GPATCH8: variants seen among roughly 807,000 people sequenced by gnomAD.
GPATCH8 encodes G-patch domain containing 8, also known as G patch domain-containing protein 8.
GPATCH8 carries 18 observed loss-of-function variants against 118.3 expected under a neutral mutation model. The ratio of observed to expected loss-of-function variants is 0.15; its 90% confidence interval spans 0.11 to 0.23. GPATCH8 has a LOEUF of 0.23. Among genes scored for constraint, GPATCH8 ranks in the 10% least tolerant of loss-of-function variants. The pLI, the probability that GPATCH8 is intolerant of heterozygous loss-of-function variation, is 1.00. For synonymous variants in GPATCH8, 659 were observed against 684.7 expected, an observed-to-expected ratio of 0.96 and a Z score of 0.59; for missense variants, 1,631 against 1,873.8, an observed-to-expected ratio of 0.87 and a Z score of 2.39.
chr17:44,397,196 G>T lies in GPATCH8; in HGVS notation c.*372C>A, dbSNP rs561561599. The T allele has an allele frequency of 2.1e-6, 1 of 466,206 alleles. No individual in the cohort carries two copies. The highest frequency in any genetic ancestry group is 4.3e-6 in the Non-Finnish European group (1 of 235,270). 28.9% of individuals were successfully genotyped at this position (466,206 alleles called of 1,614,324 possible). ...CTGGTGACAACCCACTGGCCAGAGG[G>T]GAGGAAAATGTTTTAAAATTTACAG... is the stretch of plus-strand genomic sequence containing the variant. On this transcript the variant is annotated 3_prime_UTR_variant, in exon 8 of 8. Coordinates refer to ENST00000591680, the MANE Select transcript of GPATCH8 (RefSeq NM_001002909.4).
At chr17:44,436,351 C>T in intron 4 of GPATCH8, 127 bp downstream of exon 4, 1 of 693,214 alleles carries the variant, frequency 1.4e-6, no homozygotes, top group Non-Finnish European at 2.6e-6. Flanking sequence ...ATTTTTTAGT[C>T]ATCCAAAGAA....
chr17:44,425,440 A>G (rs1165447282), intron 5 of GPATCH8, among the ~76,000 whole-genome samples: 2 of 152,240 alleles, frequency 1.3e-5, no homozygotes, highest in Non-Finnish European at 2.9e-5. Context: ...GGACAGACTT[A>G]TTAAAACTGA....
chr17:44,398,251 G>A lies in GPATCH8; in HGVS notation c.3826C>T (p.Leu1276Phe). Residue 1276 changes from leucine to phenylalanine, a missense_variant, in exon 8 of 8, where the codon CTT becomes TTT. This residue lies in a region of GPATCH8 where 922 missense variants were observed against 879.7 expected (regional missense o/e 1.05). Transcript: ENST00000591680. The stretch of plus-strand genomic sequence containing the variant: ...GGTGCATAACTGGGGAAATGCTCAA[G>A]GTCTGGTGCTATAGGCAGCAAGCTG... ...ESSLLPIAPD[L>F]EHFPSYAPPS... 1.2e-6 allele frequency: 2 copies of A among 1,613,100 alleles called. No homozygotes were observed. Among genetic ancestry groups the A allele is most frequent in the Non-Finnish European group, 1.7e-6 (2 of 1,179,338 alleles).
chr17:44,421,954 C>A (rs2049921099), intron 6 of GPATCH8, among the ~76,000 whole-genome samples: 1 of 150,840 alleles, frequency 6.6e-6, no homozygotes, highest in Non-Finnish European at 1.5e-5. Flanking sequence ...CTCGAATTGG[C>A]TTCATGTGAC....
intron 3 of GPATCH8, among the ~76,000 whole-genome samples, chr17:44,455,882 G>A (rs1469603302): frequency 6.6e-6 from 1 of 152,008 alleles, no homozygotes; most frequent in African/African-American, 2.4e-5. Context: ...CGAGTAGCTG[G>A]GATTACAGGC....
rs1052705429 is a variant in GPATCH8 at position 44,396,929 on chromosome 17, G to A, written c.*639C>T. 2.6e-5 allele frequency: 12 copies of A among 454,002 alleles called. No individual in the cohort carries two copies. The highest frequency in any genetic ancestry group is 2.4e-4 in the African/African-American group (12 of 49,980). 28.1% of individuals were successfully genotyped at this position (454,002 alleles called of 1,614,324 possible). A position where few individuals can be genotyped will look rare whatever the true frequency, so the allele number is the denominator to read the frequency against. On this transcript the variant is annotated 3_prime_UTR_variant, in exon 8 of 8. Coordinates refer to ENST00000591680, the MANE Select transcript of GPATCH8 (RefSeq NM_001002909.4). ...GATATGGAGATGCCTCTTCTGGGAT[G>A]AGGGATACCAAGATAACAGTGCCAA...
In GPATCH8 at chr17:44,395,627, G is replaced by C; in HGVS notation, c.*1941C>G. On this transcript the variant is annotated 3_prime_UTR_variant, in exon 8 of 8. Transcript: ENST00000591680. ...TAGTTATCCAAGAAGTGATGCTTCT[G>C]AATCAGATGAGTACTGAACAGGTAG... The C allele has an allele frequency of 2.2e-6, 1 of 454,222 alleles. No individual in the cohort carries two copies. The highest frequency in any genetic ancestry group is 1.6e-5 in the South Asian group (1 of 64,476). 28.1% of individuals were successfully genotyped at this position (454,222 alleles called of 1,614,324 possible).
chr17:44,476,210 C>CT (rs202142732), intron 1 of GPATCH8, among the ~76,000 whole-genome samples: 228 of 146,162 alleles, frequency 1.6e-3, no homozygotes, highest in East Asian at 6.8e-3. Context: ...GCTGTTTTAC[C>CT]TTTTTTTTTT....
chr17:44,434,572 G>A (rs141548320), intron 5 of GPATCH8, among the ~76,000 whole-genome samples: 185 of 152,206 alleles, frequency 1.2e-3, no homozygotes, highest in Admixed American at 1.8e-3. Flanking sequence ...TGGCGTGGTG[G>A]CTCACGCCTG....
chr17:44,402,192 C>T (rs961394440), intron 7 of GPATCH8, among the ~76,000 whole-genome samples: 2 of 150,748 alleles, frequency 1.3e-5, no homozygotes, highest in African/African-American at 2.4e-5. Context: ...TGGTGGCGGG[C>T]GTCTGTAATC....
At chr17:44,479,826 G>C (rs185062076) in intron 1 of GPATCH8, among the ~76,000 whole-genome samples, 58 of 152,198 alleles carry the variant, frequency 3.8e-4, no homozygotes, top group African/African-American at 1.4e-3. Context: ...AATTAGCCGG[G>C]CATGGTGGTG....
intron 2 of GPATCH8, among the ~76,000 whole-genome samples, chr17:44,469,686 T>C (rs765232286): frequency 1.2e-4 from 19 of 152,144 alleles, no homozygotes; most frequent in Non-Finnish European, 2.6e-4. Context: ...CAAGAACCAA[T>C]GCTACTAGGT....
At chr17:44,406,497 G>T (rs1255862824) in intron 6 of GPATCH8, among the ~76,000 whole-genome samples, 1 of 5,348 alleles carries the variant, frequency 1.9e-4, no homozygotes, top group African/African-American at 6.3e-4. Flanking sequence ...CAGCTTACAT[G>T]GGGGGGGGGG....
At chr17:44,444,474 T>C (rs1367551639) in intron 3 of GPATCH8, among the ~76,000 whole-genome samples, 1 of 151,638 alleles carries the variant, frequency 6.6e-6, no homozygotes, top group Non-Finnish European at 1.5e-5. Flanking sequence ...AAGTCTTTAG[T>C]TTAAAGAAAA....
In GPATCH8 at chr17:44,405,912, T is replaced by A; in HGVS notation, c.623+9A>T. On this transcript the variant is annotated intron_variant, in intron 7 of 7. Transcript: ENST00000591680. ...ATCTGTACAACCCTCTGATAAAAAA[T>A]ATCCTCACCATTCAGCTTGTTTTCT... is the stretch of plus-strand genomic sequence containing the variant. 10 of 1,596,810 alleles carry A rather than the reference T, an allele frequency of 6.3e-6. No individual in the cohort carries two copies. Among genetic ancestry groups the A allele is most frequent in the Non-Finnish European group, 8.6e-6 (10 of 1,164,268 alleles).
chr17:44,436,788 C>A, intron 3 of GPATCH8: 1 of 552,084 alleles, frequency 1.8e-6, no homozygotes, highest in Non-Finnish European at 3.3e-6. Context: ...GGCAAAATTA[C>A]ATTAATAAGT....
At chr17:44,493,869 T>C (rs1969469504) in intron 1 of GPATCH8, among the ~76,000 whole-genome samples, 1 of 152,202 alleles carries the variant, frequency 6.6e-6, no homozygotes, top group African/African-American at 2.4e-5. Flanking sequence ...ACTGAATTAT[T>C]AGAAGAACCA....
rs887447847 is a variant in GPATCH8, at chr17:44,395,522, T to G, written c.*2046A>C. 1 of 454,510 alleles carries G rather than the reference T, an allele frequency of 2.2e-6. No homozygotes were observed. The highest frequency in any genetic ancestry group is 1.6e-5 in the South Asian group (1 of 64,476). 28.2% of individuals were successfully genotyped at this position (454,510 alleles called of 1,614,324 possible). ...GGAAGCAGCACGAAAATGTTAATACTGTATTATTTATTTACATGGGCTGAA... is the reference window on the plus strand; with the variant it reads ...GGAAGCAGCACGAAAATGTTAATACGGTATTATTTATTTACATGGGCTGAA... On this transcript the variant is annotated 3_prime_UTR_variant, in exon 8 of 8. Transcript: ENST00000591680.
At chr17:44,502,901 CGT>C (rs1330346102) in intron 1 of GPATCH8, among the ~76,000 whole-genome samples, 2 of 152,206 alleles carry the variant, frequency 1.3e-5, no homozygotes, top group African/African-American at 4.8e-5. Context: ...CAAAAGGATC[CGT>C]GAGAGCAAAA....
Sources: gnomAD v4.1 joint callset for allele counts (sites outside exome capture counted in the v4.1 genomes callset) on GRCh38, gnomAD v4.1.1 for gene constraint, gnomAD v4.1.1 regional missense constraint, MANE v1.5 for transcripts, NCBI Gene and HGNC (gene_info 2026-07-23, HGNC 2026-07-21) for gene names.